The following AKR7A3 variants were observed in gnomAD, a reference collection of about 807,000 sequenced individuals.
AKR7A3 encodes the protein AFB1 aldehyde reductase 2.
A neutral mutation model predicts 32.5 loss-of-function variants in AKR7A3; 37 were observed. The observed-to-expected ratio is 1.14, with a 90% confidence interval of 0.88 to 1.50. The LOEUF (loss-of-function observed/expected upper bound fraction) is 1.50. Ranked by LOEUF, AKR7A3 falls within the 40% of genes most tolerant of loss-of-function variation. The pLI, the probability that AKR7A3 is intolerant of heterozygous loss-of-function variation, is 0.00. For missense variants in AKR7A3, 412 were observed against 453.2 expected, an observed-to-expected ratio of 0.91 and a Z score of 0.83; for synonymous variants, 177 against 188.4, an observed-to-expected ratio of 0.94 and a Z score of 0.50.
intron 1 of AKR7A3, among the ~76,000 whole-genome samples, chr1:19,288,120 C>T (rs865843142): frequency 2.0e-5 from 3 of 152,158 alleles, no homozygotes; most frequent in South Asian, 2.1e-4. Flanking sequence ...AGATCAGGCC[C>T]GTCAAGGGCA....
At chr1:19,288,147 G>A (rs1368087664) in intron 1 of AKR7A3, among the ~76,000 whole-genome samples, 1 of 152,218 alleles carries the variant, frequency 6.6e-6, no homozygotes, top group East Asian at 1.9e-4. Flanking sequence ...GGGCACAGGT[G>A]GGGACAGGAG....
At position 19,288,695 on chromosome 1, in the gene AKR7A3, C is replaced by T. The variant is rs1158242736; in HGVS notation, c.15G>A (p.Leu5=). The T allele has an allele frequency of 2.7e-6, 4 of 1,508,698 alleles. No individual in the cohort carries two copies. The East Asian group carries it at 7.5e-5, about 28-fold the overall frequency. The allele number at this position is 1,508,698 out of a possible 1,614,324, so 93.5% of individuals were successfully genotyped here. A position where few individuals can be genotyped will look rare whatever the true frequency, so the allele number is the denominator to read the frequency against. Residue 5 remains leucine, a synonymous_variant, in exon 1 of 7, where the codon CTG becomes CTA. Transcript: ENST00000361640. MSRQ[L]SRARPATVLG... ...GCACCGTGGCTGGCCGGGCCCGCGACAGCTGCCGGGACATGACGGCGGCAA... is the reference window on the plus strand; with the variant it reads ...GCACCGTGGCTGGCCGGGCCCGCGATAGCTGCCGGGACATGACGGCGGCAA...
the AKR7A3 span, among the ~76,000 whole-genome samples, chr1:19,274,896 ATAC>A: frequency 7.1e-6 from 1 of 141,442 alleles, no homozygotes. Flanking sequence ...CTGTCTCTAA[ATAC>A]AAAAAAAAAA....
the AKR7A3 span, among the ~76,000 whole-genome samples, chr1:19,275,910 T>C: frequency 6.1e-3 from 926 of 152,018 alleles, 3 homozygotes; most frequent in Middle Eastern, 0.02. Context: ...TCAATGTATA[T>C]GCAAATAAAA....
chr1:19,284,322 C>T (rs1335974225), intron 5 of AKR7A3, among the ~76,000 whole-genome samples, 197 bp from the exon 6 acceptor site: 1 of 151,948 alleles, frequency 6.6e-6, no homozygotes. Context: ...CTCAACAAAT[C>T]TTTATTCCTG....
In AKR7A3 at chr1:19,286,468, T is replaced by G; in HGVS notation, c.215-96A>C. 2.3e-6 allele frequency: 3 copies of G among 1,283,926 alleles called. No homozygotes were observed. In the South Asian group the frequency reaches 4.1e-5, roughly 17 times the overall value. 79.5% of individuals were successfully genotyped at this position (1,283,926 alleles called of 1,614,324 possible). On this transcript the variant is annotated intron_variant, in intron 1 of 6. Coordinates refer to ENST00000361640, the MANE Select transcript of AKR7A3 (RefSeq NM_012067.3). ...AGACTGAGGCAGGCAAATCAGAAGGTCAGGAGTTCAAGACCAGCTGGACCA... is the reference window on the plus strand; with the variant it reads ...AGACTGAGGCAGGCAAATCAGAAGGGCAGGAGTTCAAGACCAGCTGGACCA...
At position 19,288,762 on chromosome 1, in the gene AKR7A3, A is replaced by T. The variant is rs539930818; in HGVS notation, c.-53T>A. On this transcript the variant is annotated 5_prime_UTR_variant, in exon 1 of 7. Coordinates refer to ENST00000361640, the MANE Select transcript of AKR7A3 (RefSeq NM_012067.3). ...CCCAGGAGCCGCGCGCAGCGGTCGGAAGCACCAGGCTCGGAGCGGGCGGCC... is the reference window on the plus strand; with the variant it reads ...CCCAGGAGCCGCGCGCAGCGGTCGGTAGCACCAGGCTCGGAGCGGGCGGCC... The T allele has an allele frequency of 7.1e-7, 1 of 1,412,904 alleles. No individual in the cohort carries two copies. The highest frequency in any genetic ancestry group is 1.5e-5 in the South Asian group (1 of 65,332). 87.5% of individuals were successfully genotyped at this position (1,412,904 alleles called of 1,614,324 possible).
At chr1:19,276,920 C>T in the AKR7A3 span, among the ~76,000 whole-genome samples, 2 of 151,668 alleles carry the variant, frequency 1.3e-5, no homozygotes, top group African/African-American at 4.9e-5. Flanking sequence ...TCTAGATCAG[C>T]CTGGCCAACA....
downstream of AKR7A3, among the ~76,000 whole-genome samples, chr1:19,282,247 C>A (rs534928227): frequency 2.6e-5 from 4 of 151,834 alleles, no homozygotes; most frequent in South Asian, 4.1e-4. Flanking sequence ...GGGGCAAATC[C>A]CACATGAATG....
chr1:19,275,343 G>A, the AKR7A3 span, among the ~76,000 whole-genome samples: 5 of 151,734 alleles, frequency 3.3e-5, no homozygotes, highest in African/African-American at 7.3e-5. Context: ...CCTTGGAGGC[G>A]GAGGTTGCAG....
rs116787495 is a variant in AKR7A3 at position 19,282,710 on chromosome 1, G to A, written c.*21C>T. ...AAAAGATGTTACAGAAGAGCCTTGG[G>A]CAGCCTGAGAAACGATGGGCCTAGC... On this transcript the variant is annotated 3_prime_UTR_variant, in exon 7 of 7. Coordinates refer to ENST00000361640, the MANE Select transcript of AKR7A3 (RefSeq NM_012067.3). 0.038 allele frequency: 61,219 copies of A among 1,613,766 alleles called. 1,336 individuals carry two copies. Among genetic ancestry groups the A allele is most frequent in the South Asian group, 0.055 (5,031 of 91,080 alleles).
In AKR7A3 at chr1:19,282,695, A is replaced by G. The variant is rs191508992; in HGVS notation, c.*36T>C. ...GAAAATGTGAGTAACAAAAGATGTT[A>G]CAGAAGAGCCTTGGGCAGCCTGAGA... On this transcript the variant is annotated 3_prime_UTR_variant, in exon 7 of 7. Coordinates refer to ENST00000361640, the MANE Select transcript of AKR7A3 (RefSeq NM_012067.3). 107 of 1,613,826 alleles carry G rather than the reference A, an allele frequency of 6.6e-5. No homozygotes were observed. The Middle Eastern group carries it at 1.2e-3, about 17-fold the overall frequency.
At chr1:19,281,588 T>C (rs141870595), downstream of AKR7A3, among the ~76,000 whole-genome samples, 4,288 of 151,834 alleles carry the variant, frequency 0.028, 80 homozygotes, top group South Asian at 0.053. Flanking sequence ...TGAGCCGAGA[T>C]TGCACCACTG....
At position 19,284,748 on chromosome 1, in the gene AKR7A3, C is replaced by T. The variant is rs1392244705; in HGVS notation, c.642G>A (p.Lys214=). Residue 214 remains lysine (K), a synonymous_variant, in exon 5 of 7, where the codon AAG becomes AAA. Coordinates refer to ENST00000361640, the MANE Select transcript of AKR7A3 (RefSeq NM_012067.3). ...LLTGKYKYED[K]NGKQPVGRFF... ...AGCGGCCCACGGGCTGTTTCCCATT[C>T]TTGTCCTCATACTTGTACTTGCCGG... The T allele has an allele frequency of 2.5e-6, 4 of 1,613,750 alleles. No individual in the cohort carries two copies. The highest frequency in any genetic ancestry group is 4.5e-5 in the East Asian group (2 of 44,894).
intron 5 of AKR7A3, 35 bp from the exon 6 acceptor site, chr1:19,284,160 C>G (rs780616670): frequency 6.3e-7 from 1 of 1,585,772 alleles, no homozygotes; most frequent in East Asian, 2.2e-5. Context: ...GGTGTCAGGG[C>G]CACATTGGGA....
chr1:19,278,846 A>G (rs1164562861), downstream of AKR7A3, among the ~76,000 whole-genome samples: 1 of 151,912 alleles, frequency 6.6e-6, no homozygotes, highest in Non-Finnish European at 1.5e-5. Context: ...TATTCTGGAC[A>G]TTTCATACAG....
chr1:19,278,285 G>A (rs528143889), downstream of AKR7A3, among the ~76,000 whole-genome samples: 3 of 151,818 alleles, frequency 2.0e-5, no homozygotes, highest in African/African-American at 4.9e-5. Context: ...TTGGCCAGGC[G>A]CAGTGGCTCA....
chr1:19,286,004 A>G lies in AKR7A3; in HGVS notation c.403-12T>C, dbSNP rs1271530833. 6.2e-7 allele frequency: 1 copy of G among 1,613,512 alleles called. No individual in the cohort carries two copies. Among genetic ancestry groups the G allele is most frequent in the Non-Finnish European group, 8.5e-7 (1 of 1,179,910 alleles). On this transcript the variant is annotated splice_polypyrimidine_tract_variant and intron_variant, in intron 2 of 6. Coordinates refer to ENST00000361640, the MANE Select transcript of AKR7A3 (RefSeq NM_012067.3). ...TCCACGAACTTGCCCTGCTCAGGTG[A>G]GGCTCCAGTCAGAACATAGTGCAGC...
At chr1:19,281,734 G>A (rs1328841655), downstream of AKR7A3, among the ~76,000 whole-genome samples, 2 of 152,030 alleles carry the variant, frequency 1.3e-5, no homozygotes, top group African/African-American at 2.4e-5. Context: ...GTCATTTTAA[G>A]CAATTGAATT....
Sources: gnomAD v4.1 joint callset for allele counts (sites outside exome capture counted in the v4.1 genomes callset) on GRCh38, gnomAD v4.1.1 for gene constraint, MANE v1.5 for transcripts, NCBI Gene and HGNC (gene_info 2026-07-23, HGNC 2026-07-21) for gene names.